Variants in VCF2 observed in about 807,000 individuals in gnomAD.
The protein encoded by VCF2 is VCP nuclear cofactor family member 2.
the VCF2 span, among the ~76,000 whole-genome samples, chrX:55,146,689 T>C: frequency 8.9e-6 from 1 of 112,460 alleles, no homozygotes; most frequent in Non-Finnish European, 1.9e-5. Context: ...TATCAATTAA[T>C]GCTGAGGATG....
chrX:55,144,558 T>C, the VCF2 span, among the ~76,000 whole-genome samples: 1 of 108,550 alleles, frequency 9.2e-6, no homozygotes, highest in Non-Finnish European at 1.9e-5. Flanking sequence ...TTCCTTAAAA[T>C]CCTACCCATA....
At chrX:55,155,475 A>G in the VCF2 span, among the ~76,000 whole-genome samples, 1 of 112,090 alleles carries the variant, frequency 8.9e-6, no homozygotes. Flanking sequence ...CATTGAGGAA[A>G]TGACAGAGAC....
chrX:55,151,930 C>T, the VCF2 span, among the ~76,000 whole-genome samples: 2 of 82,584 alleles, frequency 2.4e-5, no homozygotes, highest in Non-Finnish European at 4.4e-5. Context: ...CTCGCTCTGT[C>T]GCCCAGGCTG....
chrX:55,149,431 C>A, the VCF2 span, among the ~76,000 whole-genome samples: 3 of 111,304 alleles, frequency 2.7e-5, no homozygotes, highest in African/African-American at 9.8e-5. Flanking sequence ...ACAATGACAG[C>A]AGTTAAAGCC....
At chrX:55,146,082 C>A in the VCF2 span, 1 of 1,206,692 alleles carries the variant, frequency 8.3e-7, no homozygotes, top group African/African-American at 1.8e-5. Context: ...AGTCCTAATT[C>A]ATCATGTTGG....
chrX:55,151,070 T>C, the VCF2 span, among the ~76,000 whole-genome samples: 7 of 112,504 alleles, frequency 6.2e-5, no homozygotes, highest in African/African-American at 2.3e-4. Flanking sequence ...GTGAGAAAAA[T>C]CTGAAGCATA....
At chrX:55,159,059 A>G in the VCF2 span, 1 of 864,740 alleles carries the variant, frequency 1.2e-6, no homozygotes, top group Non-Finnish European at 1.6e-6. Context: ...TCTTTTCATT[A>G]TGGAGCACAA....
the VCF2 span, among the ~76,000 whole-genome samples, chrX:55,154,072 T>C: frequency 2.3e-4 from 26 of 112,338 alleles, no homozygotes; most frequent in African/African-American, 8.4e-4. Context: ...TGTATGGTTT[T>C]GACACTTGAA....
the VCF2 span, chrX:55,160,959 C>A: frequency 7.7e-6 from 9 of 1,165,214 alleles, no homozygotes; most frequent in Non-Finnish European, 1.0e-5. Context: ...GCCGCGCCAC[C>A]GGCCAACACT....
the VCF2 span, among the ~76,000 whole-genome samples, chrX:55,144,497 T>A: frequency 9.0e-6 from 1 of 111,728 alleles, no homozygotes; most frequent in Admixed American, 9.5e-5. Flanking sequence ...TTGAGGCCAA[T>A]GTGGTGCTGT....
chrX:55,145,382 A>G, the VCF2 span: 2 of 750,630 alleles, frequency 2.7e-6, no homozygotes, highest in South Asian at 1.4e-4. Context: ...TGCACACTCT[A>G]GAGGATAAAT....
At chrX:55,157,823 A>C in the VCF2 span, among the ~76,000 whole-genome samples, 1 of 111,239 alleles carries the variant, frequency 9.0e-6, no homozygotes, top group Non-Finnish European at 1.9e-5. Context: ...ATAATATTCC[A>C]CTCTTAATTT....
the VCF2 span, chrX:55,159,093 T>G: frequency 9.6e-7 from 1 of 1,038,061 alleles, no homozygotes; most frequent in Non-Finnish European, 1.3e-6. Flanking sequence ...GTGTAGGCAA[T>G]GAATGAAATA....
At chrX:55,157,113 G>A in the VCF2 span, among the ~76,000 whole-genome samples, 2 of 112,492 alleles carry the variant, frequency 1.8e-5, no homozygotes, top group Non-Finnish European at 3.8e-5. Flanking sequence ...CCATTACATT[G>A]TTCAACAACG....
chrX:55,153,196 T>C, the VCF2 span, among the ~76,000 whole-genome samples: 10 of 112,173 alleles, frequency 8.9e-5, no homozygotes, highest in Non-Finnish European at 1.5e-4. Flanking sequence ...CCTGAGGCTG[T>C]GTCACAGGTG....
At chrX:55,147,297 A>G in the VCF2 span, among the ~76,000 whole-genome samples, 1 of 4,741 alleles carries the variant, frequency 2.1e-4, no homozygotes, top group Admixed American at 7.0e-3. Context: ...TAGGTCACAC[A>G]GTAACACTGT....
chrX:55,158,825 A>AT, the VCF2 span, among the ~76,000 whole-genome samples: 1 of 111,782 alleles, frequency 8.9e-6, no homozygotes, highest in Admixed American at 9.5e-5. Context: ...GTACTAGAAA[A>AT]TATGTTTTCC....
the VCF2 span, chrX:55,158,991 AAAAGCCACTGTAATCAAGCAAG>A: frequency 9.5e-6 from 4 of 423,197 alleles, no homozygotes; most frequent in Non-Finnish European, 1.1e-5. Flanking sequence ...GCTCCAGCTC[AAAAGCCACTGTAATCAAGCAAG>A]AAAACTTTTA....
chrX:55,156,814 T>A, the VCF2 span, among the ~76,000 whole-genome samples: 1 of 111,447 alleles, frequency 9.0e-6, no homozygotes, highest in Non-Finnish European at 1.9e-5. Flanking sequence ...GTAAATGGGA[T>A]TTGAACAAAC....
Sources: gnomAD v4.1 joint callset for allele counts (sites outside exome capture counted in the v4.1 genomes callset) on GRCh38, gnomAD v4.1.1 for gene constraint, MANE v1.5 for transcripts, NCBI Gene and HGNC (gene_info 2026-07-23, HGNC 2026-07-21) for gene names.